MYO1D: variants seen among roughly 807,000 people sequenced by gnomAD.
MYO1D encodes the protein unconventional myosin-Id.
MYO1D carries 83 observed loss-of-function variants against 122.0 expected under a neutral mutation model. The observed-to-expected ratio is 0.68, with a 90% CI of 0.57 to 0.82. MYO1D has a LOEUF of 0.82. MYO1D is among the 40% of genes least tolerant of loss of function. The probability of loss-of-function intolerance (pLI) is 0.00; values close to 1 mark genes in which losing one functional copy is unlikely to be tolerated. For missense variants in MYO1D, 1,157 were observed against 1,269.5 expected, an observed-to-expected ratio of 0.91 and a Z score of 1.35; for synonymous variants, 464 against 446.9, an observed-to-expected ratio of 1.04 and a Z score of -0.48.
chr17:32,764,926 C>T lies in MYO1D; in HGVS notation c.987G>A (p.Lys329=). ...TVATGRDIID[K]QHTEQEASYG... is the part of the protein sequence containing the mutation. ...AGCTGGCCTCTTGTTCTGTGTGCTGCTTGTCAATGATGTCACGGCCTGTGG... is the reference window on the plus strand; with the variant it reads ...AGCTGGCCTCTTGTTCTGTGTGCTGTTTGTCAATGATGTCACGGCCTGTGG... The change falls in exon 8 of 22, where the codon AAG becomes AAA. Residue 329 remains lysine, a synonymous_variant. Transcript: ENST00000318217. The T allele has an allele frequency of 6.2e-7, 1 of 1,614,222 alleles. No homozygotes were observed. Among genetic ancestry groups the T allele is most frequent in the South Asian group, 1.1e-5 (1 of 91,090 alleles).
intron 1 of MYO1D, among the ~76,000 whole-genome samples, chr17:32,811,045 G>T (rs1449277887): frequency 1.3e-5 from 2 of 152,194 alleles, no homozygotes; most frequent in Non-Finnish European, 2.9e-5. Flanking sequence ...AGAAGAGAGG[G>T]AGAAGGCTAT....
chr17:32,802,161 A>G (rs1015240829), intron 1 of MYO1D, among the ~76,000 whole-genome samples: 2 of 152,212 alleles, frequency 1.3e-5, no homozygotes, highest in African/African-American at 4.8e-5. Context: ...AAACAGCTCA[A>G]GTCTGTGCTC....
At chr17:32,526,138 C>G (rs1287345777) in intron 21 of MYO1D, among the ~76,000 whole-genome samples, 1 of 151,808 alleles carries the variant, frequency 6.6e-6, no homozygotes, top group Non-Finnish European at 1.5e-5. Context: ...ATGTACTTAA[C>G]ACATTGCATT....
chr17:32,769,403 T>G (rs957163109), intron 6 of MYO1D, among the ~76,000 whole-genome samples: 2 of 152,184 alleles, frequency 1.3e-5, no homozygotes, highest in Admixed American at 6.5e-5. Context: ...TCTGGAATTG[T>G]CCTATCTCAG....
intron 4 of MYO1D, among the ~76,000 whole-genome samples, chr17:32,774,888 T>C (rs1424389606): frequency 6.6e-6 from 1 of 152,230 alleles, no homozygotes; most frequent in Non-Finnish European, 1.5e-5. Context: ...AGAAAACCTG[T>C]CGGCTTAGAT....
At chr17:32,540,009 C>T (rs146225698) in intron 21 of MYO1D, among the ~76,000 whole-genome samples, 9 of 152,122 alleles carry the variant, frequency 5.9e-5, no homozygotes, top group African/African-American at 1.4e-4. Flanking sequence ...AACTGAATTT[C>T]GTCAAGATCA....
chr17:32,853,411 T>C (rs1482165329), intron 1 of MYO1D, among the ~76,000 whole-genome samples: 1 of 152,228 alleles, frequency 6.6e-6, no homozygotes, highest in Non-Finnish European at 1.5e-5. Context: ...ATTTGATGAA[T>C]TTATTCTTAT....
At chr17:32,791,579 T>C (rs1158344065) in intron 1 of MYO1D, among the ~76,000 whole-genome samples, 1 of 151,994 alleles carries the variant, frequency 6.6e-6, no homozygotes. Flanking sequence ...TCTCCAATGG[T>C]TACAAAAAAT....
rs79080471 is a variant in MYO1D at position 32,523,006 on chromosome 17, G to A, written c.2865-28091C>T. ...TAGTTTTTTGTATTTTAGTAGAGAC[G>A]GGGTTTCACCATGTTAGCCAGGATG... On this transcript the variant is annotated intron_variant, in intron 21 of 21. Transcript: ENST00000318217. Among the ~76,000 whole-genome samples, 658 of 152,174 alleles carry A rather than the reference G, an allele frequency of 4.3e-3. 32 individuals are homozygous for A. The East Asian group carries it at 0.1, about 24-fold the overall frequency.
intron 1 of MYO1D, among the ~76,000 whole-genome samples, chr17:32,870,668 G>C (rs2091170961): frequency 6.6e-6 from 1 of 151,684 alleles, no homozygotes; most frequent in African/African-American, 2.4e-5. Flanking sequence ...CAACATTTGA[G>C]TACTCAGTTA....
At chr17:32,675,264 T>C (rs1333199749) in intron 16 of MYO1D, among the ~76,000 whole-genome samples, 5 of 152,216 alleles carry the variant, frequency 3.3e-5, no homozygotes, top group East Asian at 1.9e-4. Flanking sequence ...GTCACTGTTA[T>C]AGAGAAAAAC....
intron 21 of MYO1D, among the ~76,000 whole-genome samples, chr17:32,513,403 T>C (rs1239517553): frequency 6.6e-6 from 1 of 152,186 alleles, no homozygotes; most frequent in Non-Finnish European, 1.5e-5. Flanking sequence ...GTCTTCAGGT[T>C]TTGAGCTCAT....
At chr17:32,666,315 G>T (rs1165669935) in intron 16 of MYO1D, among the ~76,000 whole-genome samples, 1 of 152,226 alleles carries the variant, frequency 6.6e-6, no homozygotes, top group African/African-American at 2.4e-5. Flanking sequence ...TTGCCTGGGA[G>T]TAACGACTCA....
intron 21 of MYO1D, among the ~76,000 whole-genome samples, chr17:32,558,612 C>T (rs2087089635): frequency 1.3e-5 from 2 of 152,178 alleles, no homozygotes; most frequent in South Asian, 4.2e-4. Flanking sequence ...CACAGTTCTC[C>T]CTGGTTTTGC....
intron 14 of MYO1D, among the ~76,000 whole-genome samples, chr17:32,737,938 G>A (rs1003711018): frequency 1.5e-4 from 23 of 152,092 alleles, no homozygotes; most frequent in Non-Finnish European, 3.1e-4. Context: ...CCTGTTTTCA[G>A]CACAGCGCTA....
At chr17:32,783,704 C>G (rs1221233318) in intron 1 of MYO1D, among the ~76,000 whole-genome samples, 1 of 152,202 alleles carries the variant, frequency 6.6e-6, no homozygotes, top group African/African-American at 2.4e-5. Context: ...AAAATCACCA[C>G]TAGGTGGTGC....
chr17:32,553,569 G>T (rs2087041517), intron 21 of MYO1D, among the ~76,000 whole-genome samples: 1 of 152,160 alleles, frequency 6.6e-6, no homozygotes, highest in South Asian at 2.1e-4. Flanking sequence ...AAGGGCCTAG[G>T]TATCTTGCTA....
intron 21 of MYO1D, among the ~76,000 whole-genome samples, chr17:32,554,877 C>T (rs2087054558): frequency 6.6e-6 from 1 of 152,088 alleles, no homozygotes; most frequent in Non-Finnish European, 1.5e-5. Context: ...TCAAACGGGC[C>T]AATTAAATCT....
intron 21 of MYO1D, among the ~76,000 whole-genome samples, chr17:32,500,648 C>T (rs577649098): frequency 2.4e-4 from 36 of 151,482 alleles, no homozygotes; most frequent in Admixed American, 5.3e-4. Flanking sequence ...CTCTGAAGTT[C>T]GGCTGAGCAC....
Sources: gnomAD v4.1 joint callset for allele counts (sites outside exome capture counted in the v4.1 genomes callset) on GRCh38, gnomAD v4.1.1 for gene constraint, MANE v1.5 for transcripts, NCBI Gene and HGNC (gene_info 2026-07-23, HGNC 2026-07-21) for gene names.